CNOT2: variants seen among roughly 807,000 people sequenced by gnomAD.
CNOT2 encodes the protein CCR4-NOT transcription complex subunit 2.
CNOT2 carries 7 observed loss-of-function variants against 72.1 expected under a neutral mutation model. That is an observed-to-expected ratio of 0.10 (90% CI 0.06 to 0.18). CNOT2 has a LOEUF of 0.18. CNOT2 is among the 10% of genes least tolerant of loss of function. CNOT2 has a pLI of 1.00. For synonymous variants in CNOT2, 196 were observed against 225.6 expected, an observed-to-expected ratio of 0.87 and a Z score of 1.17; for missense variants, 345 against 660.3, an observed-to-expected ratio of 0.52 and a Z score of 5.23.
intron 4 of CNOT2, among the ~76,000 whole-genome samples, chr12:70,326,449 T>C (rs1025539015): frequency 1.1e-4 from 15 of 141,972 alleles, no homozygotes; most frequent in Non-Finnish European, 1.8e-4. Flanking sequence ...GTTCTTCCCA[T>C]TTTTCTTTTT....
intron 1 of CNOT2, among the ~76,000 whole-genome samples, chr12:70,245,074 A>G (rs942701688): frequency 5.3e-5 from 8 of 152,256 alleles, no homozygotes; most frequent in African/African-American, 1.9e-4. Flanking sequence ...CAATTTTGTA[A>G]GGTAACTATT....
At chr12:70,312,483 T>C (rs1319653615) in intron 3 of CNOT2, among the ~76,000 whole-genome samples, 1 of 151,944 alleles carries the variant, frequency 6.6e-6, no homozygotes, top group African/African-American at 2.4e-5. Flanking sequence ...GAGATATATG[T>C]CTTCTCAAAA....
chr12:70,263,348 A>G (rs568677378), intron 1 of CNOT2, among the ~76,000 whole-genome samples: 1 of 152,114 alleles, frequency 6.6e-6, no homozygotes, highest in East Asian at 1.9e-4. Context: ...TTCACTTAAT[A>G]GTATCCTATG....
intron 15 of CNOT2, chr12:70,347,695 A>C (rs1241162518): frequency 6.6e-6 from 1 of 152,014 alleles, no homozygotes; most frequent in Non-Finnish European, 1.5e-5. Context: ...TCCACATAAG[A>C]AATTAAATCT....
At position 70,354,948 on chromosome 12, in the gene CNOT2, C is replaced by T. The variant is rs1204080486; in HGVS notation, c.*1033C>T. 3.3e-5 allele frequency: 5 copies of T among 152,628 alleles called. No individual in the cohort carries two copies. Among genetic ancestry groups the T allele is most frequent in the African/African-American group, 1.2e-4 (5 of 41,452 alleles). 9.5% of individuals were successfully genotyped at this position (152,628 alleles called of 1,614,324 possible). ...AGATCAATCTTGTATTTTCTGACCACATAAAGGCTTCTTCTCTTTGTAATA... is the reference window on the plus strand; with the variant it reads ...AGATCAATCTTGTATTTTCTGACCATATAAAGGCTTCTTCTCTTTGTAATA... On this transcript the variant is annotated 3_prime_UTR_variant, in exon 16 of 16. Coordinates refer to ENST00000229195, the MANE Select transcript of CNOT2 (RefSeq NM_014515.7).
intron 2 of CNOT2, among the ~76,000 whole-genome samples, chr12:70,288,399 G>A (rs11178174): frequency 0.22 from 32,857 of 151,864 alleles, 4,025 homozygotes; most frequent in African/African-American, 0.33. Flanking sequence ...CACCTACCTC[G>A]GCCTGGGATT....
chr12:70,343,563 A>G (rs1022397671), intron 13 of CNOT2, among the ~76,000 whole-genome samples: 1 of 152,216 alleles, frequency 6.6e-6, no homozygotes, highest in Non-Finnish European at 1.5e-5. Context: ...TGACTTGTGA[A>G]TCATTCACTG....
chr12:70,276,049 C>A (rs527919024), intron 1 of CNOT2, among the ~76,000 whole-genome samples: 1 of 152,010 alleles, frequency 6.6e-6, no homozygotes, highest in South Asian at 2.1e-4. Context: ...GATTGAAACT[C>A]CAGGCCATGA....
intron 4 of CNOT2, chr12:70,324,041 A>G (rs1196960223): frequency 6.6e-6 from 1 of 151,828 alleles, no homozygotes; most frequent in East Asian, 1.9e-4. Context: ...AATTTGTTCA[A>G]GGTTACACAG....
intron 13 of CNOT2, 183 bp downstream of exon 13, chr12:70,342,490 C>G (rs532671025): frequency 1.5e-6 from 1 of 658,022 alleles, no homozygotes; most frequent in Non-Finnish European, 2.5e-6. Context: ...AAAATTCTTA[C>G]ATTTAACAAC....
chr12:70,278,352 T>G (rs1869215725), intron 2 of CNOT2, 78 bp downstream of exon 2: 1 of 1,097,812 alleles, frequency 9.1e-7, no homozygotes, highest in South Asian at 1.4e-5. Context: ...TATATGTAAT[T>G]GGAACCAGCA....
chr12:70,260,532 C>A (rs1227721007), intron 1 of CNOT2, among the ~76,000 whole-genome samples: 1 of 151,984 alleles, frequency 6.6e-6, no homozygotes, highest in African/African-American at 2.4e-5. Context: ...TAAAACATTA[C>A]TATTAATAAA....
chr12:70,310,892 T>A lies in CNOT2; in HGVS notation c.49-3T>A. 1 of 1,610,644 alleles carries A rather than the reference T, an allele frequency of 6.2e-7. No individual in the cohort carries two copies. Among genetic ancestry groups the A allele is most frequent in the Non-Finnish European group, 8.5e-7 (1 of 1,177,928 alleles). On this transcript the variant is annotated splice_polypyrimidine_tract_variant and splice_region_variant and intron_variant, in intron 2 of 15. Coordinates refer to ENST00000229195, the MANE Select transcript of CNOT2 (RefSeq NM_014515.7). ...CCCTGATAAAAGTAATATTTTTGTT[T>A]AGGTGACAAACAGCATGTTTGGTGC...
At chr12:70,333,405 AG>A (rs1335054537) in intron 7 of CNOT2, among the ~76,000 whole-genome samples, 1 of 151,938 alleles carries the variant, frequency 6.6e-6, no homozygotes, top group Admixed American at 6.6e-5. Flanking sequence ...AAATTCCTTC[AG>A]TCTTTTGGTT....
intron 4 of CNOT2, among the ~76,000 whole-genome samples, chr12:70,321,067 A>G (rs1878220196): frequency 6.6e-6 from 1 of 151,908 alleles, no homozygotes; most frequent in Non-Finnish European, 1.5e-5. Context: ...TTACTAGTTT[A>G]AAAAGAAGCC....
At chr12:70,351,115 C>CT (rs923676178) in intron 15 of CNOT2, among the ~76,000 whole-genome samples, 7 of 151,916 alleles carry the variant, frequency 4.6e-5, no homozygotes, top group African/African-American at 9.6e-5. Context: ...TCTAGAAATC[C>CT]TTTTTTTTCC....
intron 1 of CNOT2, among the ~76,000 whole-genome samples, chr12:70,251,868 T>G (rs1338967687): frequency 1.3e-5 from 2 of 152,218 alleles, no homozygotes; most frequent in Non-Finnish European, 2.9e-5. Flanking sequence ...AGGCAAAGTT[T>G]GAGTATTATC....
At chr12:70,305,541 G>C (rs1234206378) in intron 2 of CNOT2, among the ~76,000 whole-genome samples, 1 of 152,182 alleles carries the variant, frequency 6.6e-6, no homozygotes, top group South Asian at 2.1e-4. Flanking sequence ...GGGTTGGTTT[G>C]ATCAGCTTGA....
intron 2 of CNOT2, among the ~76,000 whole-genome samples, chr12:70,303,115 C>T (rs1874419632): frequency 1.3e-5 from 2 of 152,320 alleles, no homozygotes; most frequent in Non-Finnish European, 2.9e-5. Flanking sequence ...TGTGTCTCTG[C>T]ACATGAGATG....
Sources: gnomAD v4.1 joint callset for allele counts (sites outside exome capture counted in the v4.1 genomes callset) on GRCh38, gnomAD v4.1.1 for gene constraint, MANE v1.5 for transcripts, NCBI Gene and HGNC (gene_info 2026-07-23, HGNC 2026-07-21) for gene names.